NBPF9: variants seen among roughly 807,000 people sequenced by gnomAD.
NBPF9 encodes NBPF family member NBPF9.
A neutral mutation model predicts 97.8 loss-of-function variants in NBPF9; 91 were observed. That is an observed-to-expected ratio of 0.93 (90% CI 0.79 to 1.11). NBPF9 has a LOEUF of 1.11. Ranked by LOEUF, NBPF9 falls within the 50% of genes least tolerant of loss-of-function variation. The probability of loss-of-function intolerance (pLI) is 0.00; values close to 1 mark genes in which losing one functional copy is unlikely to be tolerated. For missense variants in NBPF9, 992 were observed against 939.5 expected (o/e 1.06, Z -0.73); for synonymous variants, 334 against 359.5 (o/e 0.93, Z 0.80).
intron 5 of NBPF9, among the ~76,000 whole-genome samples, chr1:149,087,082 TG>T (rs1397550803): frequency 6.6e-6 from 1 of 152,030 alleles, no homozygotes; most frequent in Non-Finnish European, 1.5e-5. Flanking sequence ...GGATATGTAC[TG>T]GTATCTCATT....
In NBPF9 at chr1:149,058,918, T is replaced by A; in HGVS notation, c.2758+7A>T. On this transcript the variant is annotated splice_region_variant and intron_variant, in intron 26 of 29. Coordinates refer to ENST00000584027, the Ensembl canonical transcript of NBPF9. ...GAGGCTTATCACCTTCATAGTAAGG[T>A]ACTCACTGTCCACGTCAAGAGCCAA... The A allele has an allele frequency of 1.9e-6, 1 of 526,920 alleles. No homozygotes were observed. Among genetic ancestry groups the A allele is most frequent in the East Asian group, 2.8e-5 (1 of 35,958 alleles). The allele number at this position is 526,920 out of a possible 1,614,324, so 32.6% of individuals were successfully genotyped here.
At chr1:149,091,783 C>CTATGTCTGTCCCATCATTTCACAT (rs2081426217) in intron 4 of NBPF9, among the ~76,000 whole-genome samples, 1 of 131,298 alleles carries the variant, frequency 7.6e-6, no homozygotes. Context: ...AGTGGTTATT[C>CTATGTCTGTCCCATCATTTCACAT]TATGTCTGTC....
chr1:149,082,317 C>T, exon 6 of NBPF9: 17 of 1,548,384 alleles, frequency 1.1e-5, no homozygotes, highest in Non-Finnish European at 1.5e-5. Context: ...ACTTTAGGAT[C>T]CTTCACCACA....
chr1:149,071,151 G>C lies in NBPF9; in HGVS notation c.1380-12C>G, dbSNP rs1553652865. On this transcript the variant is annotated splice_polypyrimidine_tract_variant and intron_variant, in intron 15 of 29. Transcript: ENST00000584027. ...CCTTCTGCATCTCCCTGATGAGCCA[G>C]GTGGGACAGAGATGACAGAAGATTA... The C allele has an allele frequency of 6.7e-7, 1 of 1,490,354 alleles. No individual in the cohort carries two copies. The highest frequency in any genetic ancestry group is 1.7e-5 in the Admixed American group (1 of 59,290). 92.3% of individuals were successfully genotyped at this position (1,490,354 alleles called of 1,614,324 possible).
In NBPF9 at chr1:149,060,698, G is replaced by A; in HGVS notation, c.2304-3C>T. Reference sequence around the variant, plus strand: ...CCTCCAGCAGCTCCCTGCTGAGCCTGGAAAAGGAGGAAAAAGTAAAGAATA... The same window carrying A: ...CCTCCAGCAGCTCCCTGCTGAGCCTAGAAAAGGAGGAAAAAGTAAAGAATA... On this transcript the variant is annotated splice_polypyrimidine_tract_variant and splice_region_variant and intron_variant, in intron 23 of 29. Coordinates refer to ENST00000584027, the Ensembl canonical transcript of NBPF9. The A allele has an allele frequency of 2.8e-6, 1 of 351,776 alleles. No homozygotes were observed. The highest frequency in any genetic ancestry group is 5.0e-6 in the Non-Finnish European group (1 of 200,790). 21.8% of individuals were successfully genotyped at this position (351,776 alleles called of 1,614,324 possible).
At chr1:149,062,633 T>TTGCCATACAGC (rs1553650389) in intron 21 of NBPF9, among the ~76,000 whole-genome samples, 3 of 145,646 alleles carry the variant, frequency 2.1e-5, no homozygotes, top group African/African-American at 7.6e-5. Flanking sequence ...TTCCATGCAG[T>TTGCCATACAGC]TGCCATACAG....
At chr1:149,068,383 T>C (rs1223184357) in intron 17 of NBPF9, among the ~76,000 whole-genome samples, 1 of 150,854 alleles carries the variant, frequency 6.6e-6, no homozygotes, top group Non-Finnish European at 1.5e-5. Context: ...AGGAAACCCA[T>C]CTCACATGCA....
intron 13 of NBPF9, among the ~76,000 whole-genome samples, chr1:149,073,347 A>G (rs1553653458): frequency 7.1e-6 from 1 of 140,526 alleles, no homozygotes; most frequent in African/African-American, 2.7e-5. Flanking sequence ...AAAAGACGAA[A>G]GAAGAAAAGA....
At chr1:149,079,091 C>A in exon 9 of NBPF9, 29 of 1,329,358 alleles carry the variant, frequency 2.2e-5, no homozygotes, top group Non-Finnish European at 2.6e-5. Context: ...TGGGACTTGT[C>A]CGGCTCATCC....
At chr1:149,085,225 G>C (rs1553658107) in intron 5 of NBPF9, among the ~76,000 whole-genome samples, 1 of 151,180 alleles carries the variant, frequency 6.6e-6, no homozygotes, top group African/African-American at 2.4e-5. Context: ...TTTTTTGATA[G>C]ATTTTTTATG....
intron 4 of NBPF9, among the ~76,000 whole-genome samples, chr1:149,097,658 CCTTT>C (rs1480751830): frequency 1.3e-5 from 2 of 152,060 alleles, no homozygotes; most frequent in African/African-American, 4.8e-5. Context: ...AGGCCATGCC[CCTTT>C]CTTTCTCCCC....
At chr1:149,077,674 G>A (rs1175758735) in intron 10 of NBPF9, among the ~76,000 whole-genome samples, 14 of 152,002 alleles carry the variant, frequency 9.2e-5, no homozygotes, top group Admixed American at 2.6e-4. Flanking sequence ...TGAAGACTCA[G>A]CTATCCCTGT....
intron 11 of NBPF9, among the ~76,000 whole-genome samples, chr1:149,076,260 C>A (rs2079860345): frequency 6.6e-6 from 1 of 151,262 alleles, no homozygotes; most frequent in African/African-American, 2.4e-5. Flanking sequence ...TGCAGAGGCA[C>A]AATCTCAGCT....
intron 26 of NBPF9, 143 bp downstream of exon 26, chr1:149,058,782 T>A (rs1166163643): frequency 1.0e-5 from 7 of 667,996 alleles, no homozygotes; most frequent in Non-Finnish European, 8.1e-6. Flanking sequence ...GAGACTACAG[T>A]TTCATTACAA....
intron 16 of NBPF9, among the ~76,000 whole-genome samples, chr1:149,070,410 A>G (rs1417040496): frequency 5.3e-4 from 80 of 151,420 alleles, no homozygotes; most frequent in Non-Finnish European, 1.0e-3. Flanking sequence ...ACCAGGGTCC[A>G]GCCTTGCTTT....
Position 149,062,099 on chromosome 1 carries a change from A to T in NBPF9, c.2245T>A (p.Leu749Met), listed in dbSNP as rs1227241524. The T allele has an allele frequency of 0.037, 44,361 of 1,194,470 alleles. 5,599 individuals are homozygous for T. The East Asian group carries it at 0.44, about 12-fold the overall frequency. The allele number at this position is 1,194,470 out of a possible 1,614,324, so 74.0% of individuals were successfully genotyped here. A position where few individuals can be genotyped will look rare whatever the true frequency, so the allele number is the denominator to read the frequency against. ...TTCATAGTAAGGTACTCACTGTCCA[A>T]GTCAAGAGCCAAGCCAAGGTACTGT... The change falls in exon 22 of 30, where the codon TTG (leucine) becomes ATG (methionine). Residue 749 changes from leucine to methionine, a missense_variant. Physicochemically the swap from Leu to Met is conservative, Grantham distance 15. Transcript: ENST00000584027.
At chr1:149,084,280 T>C (rs1167321599) in intron 5 of NBPF9, among the ~76,000 whole-genome samples, 1 of 147,272 alleles carries the variant, frequency 6.8e-6, no homozygotes, top group Non-Finnish European at 1.5e-5. Context: ...ATATATATTA[T>C]ATATACACAT....
At chr1:149,071,953 G>A (rs373315561) in intron 14 of NBPF9, among the ~76,000 whole-genome samples, 18,849 of 148,508 alleles carry the variant, frequency 0.13, 1,306 homozygotes, top group Middle Eastern at 0.19. Context: ...CTCTCTGGAC[G>A]TTGGCAGCTG....
At chr1:149,101,550 A>T (rs1225677948) in intron 2 of NBPF9, among the ~76,000 whole-genome samples, 171 bp from the exon 3 acceptor site, 1 of 152,264 alleles carries the variant, frequency 6.6e-6, no homozygotes, top group Non-Finnish European at 1.5e-5. Flanking sequence ...AAAAACAAGC[A>T]TATCAATGAA....
Sources: gnomAD v4.1 joint callset for allele counts (sites outside exome capture counted in the v4.1 genomes callset) on GRCh38, gnomAD v4.1.1 for gene constraint, MANE v1.5 for transcripts, NCBI Gene and HGNC (gene_info 2026-07-23, HGNC 2026-07-21) for gene names.